The following ITPR2 variants were observed in gnomAD, a reference collection of about 807,000 sequenced individuals.
The protein encoded by ITPR2 is inositol 1,4,5-trisphosphate receptor type 2.
Under a neutral mutation model 317.1 loss-of-function variants are expected in ITPR2, and 207 were observed. That is an observed-to-expected ratio of 0.65 (90% CI 0.58 to 0.73). ITPR2 has a LOEUF of 0.73. ITPR2 is among the 30% of genes least tolerant of loss of function. The pLI, the probability that ITPR2 is intolerant of heterozygous loss-of-function variation, is 0.00. For synonymous variants in ITPR2, 1,156 were observed against 1,149.1 expected, an observed-to-expected ratio of 1.01 and a Z score of -0.12; for missense variants, 2,613 against 3,284.0, an observed-to-expected ratio of 0.80 and a Z score of 4.99.
chr12:26,583,361 C>G (rs1320821328), intron 32 of ITPR2, among the ~76,000 whole-genome samples: 1 of 152,056 alleles, frequency 6.6e-6, no homozygotes, highest in Admixed American at 6.6e-5. Flanking sequence ...ATGAGTTTAA[C>G]ATATTTTTAT....
rs1164205880 is a variant in ITPR2 at position 26,831,859 on chromosome 12, A to G, written c.92+831T>C. 6.9e-6 allele frequency among the ~76,000 whole-genome samples: 1 copy of G among 145,472 alleles called. No individual in the cohort carries two copies. Among genetic ancestry groups the G allele is most frequent in the Non-Finnish European group, 1.5e-5 (1 of 66,614 alleles). The stretch of plus-strand genomic sequence containing the variant: ...ATATATAAATATATATTATACATAA[A>G]ATATATAAATATATTAATATATATT... On this transcript the variant is annotated intron_variant, in intron 1 of 56. Coordinates refer to ENST00000381340, the MANE Select transcript of ITPR2 (RefSeq NM_002223.4). This position sits in a 1 kb window ranked among gnomAD's most constrained non-coding sequence, Gnocchi z 4.9.
At chr12:26,686,370 T>C in intron 11 of ITPR2, 111 bp downstream of exon 11, 1 of 644,002 alleles carries the variant, frequency 1.6e-6, no homozygotes. Context: ...TTTTTCTTCA[T>C]TTATGTTTGC....
intron 9 of ITPR2, among the ~76,000 whole-genome samples, chr12:26,699,793 T>C (rs976879561): frequency 1.3e-5 from 2 of 152,090 alleles, no homozygotes; most frequent in African/African-American, 2.4e-5. Flanking sequence ...CATCTCTAAA[T>C]TGAATAATAG....
intron 7 of ITPR2, 106 bp from the exon 8 acceptor site, chr12:26,715,551 G>C: frequency 4.8e-6 from 5 of 1,049,450 alleles, no homozygotes; most frequent in Non-Finnish European, 6.8e-6. Context: ...GACTTTTAAA[G>C]CTTATTTAAA....
intron 45 of ITPR2, among the ~76,000 whole-genome samples, chr12:26,460,985 A>G (rs7975290): frequency 0.05 from 7,534 of 152,194 alleles, 243 homozygotes; most frequent in Middle Eastern, 0.12. Flanking sequence ...ATTCATTCCT[A>G]TCCTGAATCC....
At chr12:26,526,346 A>G (rs1201156395) in intron 37 of ITPR2, among the ~76,000 whole-genome samples, 1 of 152,216 alleles carries the variant, frequency 6.6e-6, no homozygotes, top group Non-Finnish European at 1.5e-5. Context: ...CAGGCACATG[A>G]ATAGCCAAGG....
intron 45 of ITPR2, among the ~76,000 whole-genome samples, chr12:26,452,944 C>T (rs917341419): frequency 6.6e-6 from 1 of 151,946 alleles, no homozygotes. Context: ...CTACTTTAAT[C>T]CCAGGAGGTT....
At chr12:26,339,757 C>T (rs1938043321) in intron 56 of ITPR2, among the ~76,000 whole-genome samples, 1 of 152,142 alleles carries the variant, frequency 6.6e-6, no homozygotes, top group Non-Finnish European at 1.5e-5. Context: ...ATTTTAATAG[C>T]TACCATGGTT....
In ITPR2 at chr12:26,578,795, G is replaced by A; in HGVS notation, c.4548C>T (p.Ala1516=). ...QPVFIQLLQS[A]FRIYNCTWPN... is the part of the protein sequence containing the mutation. ...GCCAGGTGCAATTGTAAATTCTGAAGGCAGATTGCAGTAGCTGAATAAAAA... is the reference window on the plus strand; with the variant it reads ...GCCAGGTGCAATTGTAAATTCTGAAAGCAGATTGCAGTAGCTGAATAAAAA... The change falls in exon 34 of 57, where the codon GCC becomes GCT. Residue 1516 remains alanine (A), a synonymous_variant. Transcript: ENST00000381340. 1 of 1,610,356 alleles carries A rather than the reference G, an allele frequency of 6.2e-7. No individual in the cohort carries two copies. Among genetic ancestry groups the A allele is most frequent in the Non-Finnish European group, 8.5e-7 (1 of 1,177,288 alleles).
At chr12:26,811,776 CCCCGGAGGCGGAGCTTGCAGTGAG>C (rs1950754579) in intron 1 of ITPR2, among the ~76,000 whole-genome samples, 1 of 150,376 alleles carries the variant, frequency 6.6e-6, no homozygotes, top group Non-Finnish European at 1.5e-5. Context: ...ATGGCGCGAA[CCCCGGAGGCGGAGCTTGCAGTGAG>C]CCGAGATCGC....
intron 37 of ITPR2, among the ~76,000 whole-genome samples, chr12:26,529,397 T>C (rs1824534297): frequency 6.6e-6 from 1 of 152,208 alleles, no homozygotes; most frequent in South Asian, 2.1e-4. Flanking sequence ...CAGCTGCTAA[T>C]GCAGATCTTT....
chr12:26,717,457 T>G (rs1008189313), intron 5 of ITPR2, among the ~76,000 whole-genome samples: 1 of 152,204 alleles, frequency 6.6e-6, no homozygotes, highest in Non-Finnish European at 1.5e-5. Context: ...AAAGAAAGGT[T>G]GTGCTTTGGT....
intron 33 of ITPR2, 125 bp from the exon 34 acceptor site, chr12:26,578,958 C>T: frequency 1.1e-6 from 1 of 925,292 alleles, no homozygotes; most frequent in East Asian, 2.8e-5. Context: ...AGTTTCAGTG[C>T]TAGTTAATAA....
chr12:26,685,696 A>G (rs1275708648), intron 11 of ITPR2, among the ~76,000 whole-genome samples: 2 of 152,190 alleles, frequency 1.3e-5, no homozygotes, highest in Non-Finnish European at 2.9e-5. Flanking sequence ...CTCATTTCCA[A>G]TCCCACAACC....
rs139137964 is a variant in ITPR2 at position 26,533,707 on chromosome 12, G to A, written c.5073+16540C>T. ...GAAGGAAAATAATATGAAGACACAA[G>A]GAGAGGGTGGCCATCTACAAGCCAA... On this transcript the variant is annotated intron_variant, in intron 37 of 56. Transcript: ENST00000381340. Among the ~76,000 whole-genome samples, 5 of 152,264 alleles carry A rather than the reference G, an allele frequency of 3.3e-5. No individual in the cohort carries two copies. The East Asian group carries it at 7.7e-4, about 24-fold the overall frequency.
At position 26,565,853 on chromosome 12, in the gene ITPR2, AGAGGAGAGGGGAGGG is replaced by A. The variant is rs1175250908; in HGVS notation, c.4631-3916_4631-3902del. ...AGGAGAGGAGAGTAGAGAGGAGAGG[AGAGGAGAGGGGAGGG>A]GAGGAGAGGAGAGGGGAGGGGAGGA... is the stretch of plus-strand genomic sequence containing the variant. On this transcript the variant is annotated intron_variant, in intron 34 of 56. Coordinates refer to ENST00000381340, the MANE Select transcript of ITPR2 (RefSeq NM_002223.4). Among the ~76,000 whole-genome samples, 459 of 95,712 alleles carry A rather than the reference AGAGGAGAGGGGAGGG, an allele frequency of 4.8e-3. 9 individuals carry two copies. The highest frequency in any genetic ancestry group is 0.015 in the African/African-American group (368 of 23,898). The allele number at this position is 95,712 out of a possible 152,430, so 62.8% of individuals were successfully genotyped here.
At position 26,550,266 on chromosome 12, in the gene ITPR2, T is replaced by A. The variant is rs1944492769; in HGVS notation, c.5054A>T (p.Lys1685Ile). The change falls in exon 37 of 57, where the codon AAA (lysine) becomes ATA (isoleucine). Residue 1685 changes from lysine to isoleucine, a missense_variant. By Grantham distance (102) the Lys-to-Ile change is moderately radical. Transcript: ENST00000381340. ...LQTLREMLEK[K>I]DSFVEEGNTL... ...AAATACCTCTTCCACAAAGCTGTCT[T>A]TCTTCTCTAACATTTCTCGTAATGT... The A allele has an allele frequency of 6.7e-7, 1 of 1,496,604 alleles. No homozygotes were observed. The highest frequency in any genetic ancestry group is 1.2e-5 in the South Asian group (1 of 84,178). 92.7% of individuals were successfully genotyped at this position (1,496,604 alleles called of 1,614,324 possible).
intron 31 of ITPR2, among the ~76,000 whole-genome samples, chr12:26,596,646 CAAA>C (rs35579016): frequency 1.1e-4 from 10 of 87,374 alleles, no homozygotes; most frequent in African/African-American, 2.7e-4. Flanking sequence ...AACTCTGTCT[CAAA>C]AAAAAAAAAA....
At chr12:26,484,714 C>A (rs1163183956) in intron 41 of ITPR2, among the ~76,000 whole-genome samples, 2 of 151,860 alleles carry the variant, frequency 1.3e-5, no homozygotes, top group Non-Finnish European at 2.9e-5. Flanking sequence ...CCATAAAATA[C>A]GATTTTTTTT....
Sources: gnomAD v4.1 joint callset for allele counts (sites outside exome capture counted in the v4.1 genomes callset) on GRCh38, gnomAD v4.1.1 for gene constraint, Gnocchi (gnomAD v3.1) non-coding constraint, MANE v1.5 for transcripts, NCBI Gene and HGNC (gene_info 2026-07-23, HGNC 2026-07-21) for gene names.